The following EFHD1 variants were observed in gnomAD, a reference collection of about 807,000 sequenced individuals.
The protein encoded by EFHD1 is EF-hand domain family member D1, also known as EF-hand domain-containing protein D1.
In EFHD1, 10 loss-of-function variants were observed where a neutral mutation model predicts 17.2. The observed-to-expected ratio is 0.58, with a 90% CI of 0.36 to 0.99. EFHD1 has a LOEUF of 0.99. EFHD1 is among the 50% of genes least tolerant of loss of function. The probability of loss-of-function intolerance (pLI) is 0.01; values close to 1 mark genes in which losing one functional copy is unlikely to be tolerated. For missense variants in EFHD1, 310 were observed against 327.5 expected (o/e 0.95, Z 0.41); for synonymous variants, 153 against 142.0 (o/e 1.08, Z -0.55).
At chr2:232,609,492 G>A (rs1040109737) in intron 1 of EFHD1, among the ~76,000 whole-genome samples, 7 of 152,094 alleles carry the variant, frequency 4.6e-5, no homozygotes, top group Non-Finnish European at 1.0e-4. Context: ...TTTTGTTGCA[G>A]TGCCTAAGTG....
upstream of EFHD1, among the ~76,000 whole-genome samples, chr2:232,631,911 G>T (rs1000612830): frequency 6.6e-6 from 1 of 151,812 alleles, no homozygotes; most frequent in Non-Finnish European, 1.5e-5. Flanking sequence ...GCTGAGGCAG[G>T]GGAATCACTT....
chr2:232,663,205 A>G (rs961172460), intron 2 of EFHD1, among the ~76,000 whole-genome samples: 1 of 152,208 alleles, frequency 6.6e-6, no homozygotes, highest in African/African-American at 2.4e-5. Context: ...CAAAATATTC[A>G]TAGTGGATAT....
intron 3 of EFHD1, among the ~76,000 whole-genome samples, chr2:232,679,261 A>C (rs556758472): frequency 6.6e-6 from 1 of 152,348 alleles, no homozygotes; most frequent in South Asian, 2.1e-4. Context: ...TGATTACATC[A>C]AAATTTTAAA....
At chr2:232,627,032 CTCTCTATATA>C (rs1377162641) in intron 1 of EFHD1, among the ~76,000 whole-genome samples, 5 of 61,746 alleles carry the variant, frequency 8.1e-5, no homozygotes, top group African/African-American at 3.3e-4. Context: ...CTCTCTCTCT[CTCTCTATATA>C]TATATATATA....
chr2:232,676,052 T>C (rs1695165597), intron 3 of EFHD1, among the ~76,000 whole-genome samples: 1 of 152,092 alleles, frequency 6.6e-6, no homozygotes, highest in Admixed American at 6.6e-5. Context: ...GGCATGCGCC[T>C]GTAATCCCAG....
chr2:232,650,291 C>CTTT (rs869070386), intron 1 of EFHD1, among the ~76,000 whole-genome samples: 1 of 126,732 alleles, frequency 7.9e-6, no homozygotes, highest in African/African-American at 3.0e-5. Context: ...TCTGGGTTGC[C>CTTT]TTTTTTTTTT....
At chr2:232,646,436 CTTTTTT>C (rs71398729) in intron 1 of EFHD1, among the ~76,000 whole-genome samples, 6 of 67,138 alleles carry the variant, frequency 8.9e-5, no homozygotes, top group Admixed American at 2.0e-4. Flanking sequence ...CTCTTCTCTT[CTTTTTT>C]TTTTTTTTTT....
At chr2:232,617,323 A>G (rs1693942430) in intron 1 of EFHD1, among the ~76,000 whole-genome samples, 1 of 152,176 alleles carries the variant, frequency 6.6e-6, no homozygotes, top group Non-Finnish European at 1.5e-5. Context: ...GTGAAATGTT[A>G]TGTGTATGCT....
At chr2:232,638,272 G>C in intron 1 of EFHD1, 1 of 459,646 alleles carries the variant, frequency 2.2e-6, no homozygotes, top group South Asian at 1.6e-5. Flanking sequence ...CCACTTAAAG[G>C]CAGGACCCCA....
intron 1 of EFHD1, 47 bp downstream of exon 1, chr2:232,634,053 C>A: frequency 6.3e-7 from 1 of 1,590,612 alleles, no homozygotes; most frequent in Non-Finnish European, 8.5e-7. Context: ...AGGGAGGGAG[C>A]GGGAGGGCTT....
chr2:232,624,399 T>G (rs998876448), intron 1 of EFHD1, among the ~76,000 whole-genome samples: 12 of 152,226 alleles, frequency 7.9e-5, no homozygotes, highest in African/African-American at 2.7e-4. Context: ...GGGTCTGGCT[T>G]GGCGCCTGGA....
intron 1 of EFHD1, among the ~76,000 whole-genome samples, chr2:232,640,487 C>G (rs1694408615): frequency 6.6e-6 from 1 of 152,150 alleles, no homozygotes; most frequent in East Asian, 1.9e-4. Context: ...TCACCATGAG[C>G]CCCTTTCCAA....
chr2:232,654,256 C>T (rs1190572963), intron 1 of EFHD1, among the ~76,000 whole-genome samples: 26 of 150,808 alleles, frequency 1.7e-4, no homozygotes, highest in Admixed American at 1.6e-3. Context: ...TTCAATATTT[C>T]CTAAGCTTGC....
At chr2:232,661,676 C>T (rs1694870048) in intron 1 of EFHD1, 1 of 151,374 alleles carries the variant, frequency 6.6e-6, no homozygotes, top group African/African-American at 2.4e-5. Context: ...TCTCCCACCT[C>T]AGCCTCTCGA....
intron 1 of EFHD1, among the ~76,000 whole-genome samples, chr2:232,613,643 CAT>C (rs1693849952): frequency 7.4e-6 from 1 of 135,360 alleles, no homozygotes; most frequent in African/African-American, 2.8e-5. Flanking sequence ...TATACACACA[CAT>C]ACACACACAC....
chr2:232,669,597 GA>G (rs1263245092), intron 2 of EFHD1, among the ~76,000 whole-genome samples: 2 of 142,640 alleles, frequency 1.4e-5, no homozygotes, highest in African/African-American at 5.0e-5. Flanking sequence ...TCCCTTTTGA[GA>G]AGGCTTTTTT....
chr2:232,625,190 G>T (rs920906795), intron 1 of EFHD1, among the ~76,000 whole-genome samples: 1 of 152,068 alleles, frequency 6.6e-6, no homozygotes, highest in Non-Finnish European at 1.5e-5. Flanking sequence ...GTGCAGTGGC[G>T]CAATCACAGC....
intron 1 of EFHD1, among the ~76,000 whole-genome samples, chr2:232,657,903 T>C (rs866119524): frequency 1.5e-5 from 2 of 136,622 alleles, no homozygotes; most frequent in African/African-American, 5.4e-5. Context: ...TCTTTTCTTT[T>C]TTTTTTTTTT....
chr2:232,672,193 C>A, intron 2 of EFHD1, 116 bp from the exon 3 acceptor site: 1 of 1,380,468 alleles, frequency 7.2e-7, no homozygotes, highest in Non-Finnish European at 1.0e-6. Flanking sequence ...TTGCCACATG[C>A]ATACATAAAC....
Sources: allele counts gnomAD v4.1 joint callset (sites outside exome capture counted in the v4.1 genomes callset), GRCh38; gene constraint gnomAD v4.1.1; transcripts MANE v1.5; gene names NCBI Gene and HGNC (gene_info 2026-07-23, HGNC 2026-07-21).